The following EXT1 variants were observed in gnomAD, a reference collection of about 807,000 sequenced individuals.
EXT1 encodes the protein exostosin-1.
In EXT1, 20 loss-of-function variants were observed where a neutral mutation model predicts 82.5. The ratio of observed to expected loss-of-function variants is 0.24; its 90% CI spans 0.17 to 0.35. The LOEUF (loss-of-function observed/expected upper bound fraction) is 0.35, where lower values mean the gene tolerates loss of function less well. Ranked by LOEUF, EXT1 falls within the 10% of genes least tolerant of loss-of-function variation. The pLI, the probability that EXT1 is intolerant of heterozygous loss-of-function variation, is 1.00. For synonymous variants in EXT1, 348 were observed against 350.8 expected (o/e 0.99, Z 0.09); for missense variants, 757 against 936.5 (o/e 0.81, Z 2.50).
intron 1 of EXT1, among the ~76,000 whole-genome samples, chr8:118,016,700 C>G (rs1816010530): frequency 6.6e-6 from 1 of 152,238 alleles, no homozygotes; most frequent in Non-Finnish European, 1.5e-5. Flanking sequence ...TAACCCCAGT[C>G]TCTAGCAGAA....
intron 1 of EXT1, among the ~76,000 whole-genome samples, chr8:117,928,871 C>A (rs1227584650): frequency 6.6e-6 from 1 of 151,960 alleles, no homozygotes; most frequent in Non-Finnish European, 1.5e-5. Flanking sequence ...ACTTACGACA[C>A]CGATGAAAAA....
intron 1 of EXT1, among the ~76,000 whole-genome samples, chr8:117,932,627 CA>C (rs1183606619): frequency 6.6e-6 from 1 of 152,094 alleles, no homozygotes; most frequent in Admixed American, 6.6e-5. Flanking sequence ...TTTTTCTATT[CA>C]AATACTGCAA....
chr8:117,926,022 G>C (rs935022720), intron 1 of EXT1, among the ~76,000 whole-genome samples: 2 of 152,070 alleles, frequency 1.3e-5, no homozygotes, highest in African/African-American at 2.4e-5. Flanking sequence ...AGACCCAAAG[G>C]GTTAAGCAAT....
intron 1 of EXT1, among the ~76,000 whole-genome samples, chr8:118,040,267 A>G (rs1453603225): frequency 6.6e-6 from 1 of 152,206 alleles, no homozygotes; most frequent in Non-Finnish European, 1.5e-5. Flanking sequence ...TTTGTTTCTC[A>G]GAAATGGGAA....
At chr8:117,841,247 A>G (rs979606613) in intron 1 of EXT1, among the ~76,000 whole-genome samples, 12 of 152,234 alleles carry the variant, frequency 7.9e-5, no homozygotes, top group African/African-American at 2.9e-4. Context: ...AAAGTGGGAC[A>G]AACTATTGAT....
In EXT1 at chr8:118,097,358, A is replaced by C. The variant is rs573159500; in HGVS notation, c.962+12727T>G. On this transcript the variant is annotated intron_variant, in intron 1 of 10. Transcript: ENST00000378204. ...GCTACTCGGGAGGCTGAGGCAGGAG[A>C]ATTGCTTGAACCTGGGAGGTAGGGG... Among the ~76,000 whole-genome samples the C allele has an allele frequency of 8.1e-4, 124 of 152,260 alleles. 1 individual carries two copies. Among genetic ancestry groups the C allele is most frequent in the African/African-American group, 2.9e-3 (122 of 41,536 alleles).
At chr8:117,956,959 G>A (rs1941488118) in intron 1 of EXT1, among the ~76,000 whole-genome samples, 1 of 152,166 alleles carries the variant, frequency 6.6e-6, no homozygotes, top group African/African-American at 2.4e-5. Flanking sequence ...TCAATCCCGT[G>A]ACCATGAAGT....
chr8:118,105,974 AC>A (rs1365113064), intron 1 of EXT1, among the ~76,000 whole-genome samples: 2 of 152,086 alleles, frequency 1.3e-5, no homozygotes, highest in African/African-American at 4.8e-5. Flanking sequence ...TATTCCCTAA[AC>A]CCCTTAGGGC....
chr8:117,873,744 C>T (rs887633864), intron 1 of EXT1, among the ~76,000 whole-genome samples: 3 of 152,136 alleles, frequency 2.0e-5, no homozygotes, highest in African/African-American at 7.2e-5. Flanking sequence ...GCATGAGCCA[C>T]CGCGCCCAGT....
chr8:118,062,094 A>G lies in EXT1; in HGVS notation c.962+47991T>C, dbSNP rs569089863. On this transcript the variant is annotated intron_variant, in intron 1 of 10. Transcript: ENST00000378204. ...AGACACCAACTGTCAGGTGACATTC[A>G]CTCATTTCTAAAAATTAACTGAAGA... Among the ~76,000 whole-genome samples, 102 of 152,068 alleles carry G rather than the reference A, an allele frequency of 6.7e-4. 1 individual carries two copies. Among genetic ancestry groups the G allele is most frequent in the Non-Finnish European group, 1.0e-3 (69 of 67,994 alleles).
At chr8:118,097,835 G>A (rs1304175886) in intron 1 of EXT1, among the ~76,000 whole-genome samples, 1 of 152,196 alleles carries the variant, frequency 6.6e-6, no homozygotes, top group Non-Finnish European at 1.5e-5. Flanking sequence ...CTACTGGAGA[G>A]AGACAAACAA....
intron 3 of EXT1, 34 bp from the exon 4 acceptor site, chr8:117,830,383 CTG>C (rs1563573783): frequency 6.2e-7 from 1 of 1,610,324 alleles, no homozygotes; most frequent in Admixed American, 1.7e-5. Flanking sequence ...GGAATTATAA[CTG>C]TAAAACAAAG....
chr8:117,973,886 G>A (rs76916470), intron 1 of EXT1, among the ~76,000 whole-genome samples: 20,695 of 66,832 alleles, frequency 0.31, 4,778 homozygotes, highest in Middle Eastern at 0.44. Flanking sequence ...GAAAGGAAAG[G>A]AAGGAAAGGA....
chr8:117,912,377 C>A (rs1563598930), intron 1 of EXT1, among the ~76,000 whole-genome samples: 1 of 152,292 alleles, frequency 6.6e-6, no homozygotes, highest in East Asian at 1.9e-4. Flanking sequence ...TTTACTTTAT[C>A]CCTTTTCTTA....
At chr8:117,928,912 T>C (rs971233020) in intron 1 of EXT1, among the ~76,000 whole-genome samples, 21 of 152,152 alleles carry the variant, frequency 1.4e-4, no homozygotes, top group African/African-American at 5.1e-4. Flanking sequence ...CCTTGAGTTC[T>C]GTGCCCACTA....
chr8:117,884,684 G>A (rs1019995802), intron 1 of EXT1, among the ~76,000 whole-genome samples: 1 of 151,914 alleles, frequency 6.6e-6, no homozygotes, highest in African/African-American at 2.4e-5. Flanking sequence ...GCACTGAAAT[G>A]AAACTGTGTG....
intron 1 of EXT1, among the ~76,000 whole-genome samples, chr8:117,910,993 T>TGA (rs1563598564): frequency 6.6e-6 from 1 of 152,130 alleles, no homozygotes; most frequent in East Asian, 1.9e-4. Context: ...GTGAAGGGCG[T>TGA]GAACTCTAGA....
In EXT1 at chr8:118,078,636, A is replaced by G. The variant is rs542807026; in HGVS notation, c.962+31449T>C. ...ATAAATACATACGTCATCTTTCCAC[A>G]AATGAAGGGTAATTAAACAAGGGTA... On this transcript the variant is annotated intron_variant, in intron 1 of 10. Transcript: ENST00000378204. 5.9e-5 allele frequency among the ~76,000 whole-genome samples: 9 copies of G among 152,268 alleles called. No homozygotes were observed. The South Asian group carries it at 1.9e-3, about 32-fold the overall frequency.
chr8:117,818,479 G>C lies in EXT1; in HGVS notation c.1588C>G (p.Pro530Ala). ...ACGACGACAGGCACAGCAGTGGCAG[G>C]CCAGCGGTGTTTGGCTGGTAGGGGC... Reference protein sequence around the residue: ...DKPLPAKHRWPATAVPVVVIE... With the variant: ...DKPLPAKHRWAATAVPVVVIE... The change falls in exon 7 of 11, where the codon CCT becomes GCT. Residue 530 changes from proline to alanine, a missense_variant. Around this residue, in one of 4 missense-constraint regions of EXT1, gnomAD observed 207 missense variants for 224.2 expected, o/e 0.92. Coordinates refer to ENST00000378204, the MANE Select transcript of EXT1 (RefSeq NM_000127.3). The C allele has an allele frequency of 6.2e-7, 1 of 1,614,106 alleles. No individual in the cohort carries two copies. Among genetic ancestry groups the C allele is most frequent in the Non-Finnish European group, 8.5e-7 (1 of 1,180,012 alleles).
Sources: gnomAD v4.1 joint callset for allele counts (sites outside exome capture counted in the v4.1 genomes callset) on GRCh38, gnomAD v4.1.1 for gene constraint, gnomAD v4.1.1 regional missense constraint, MANE v1.5 for transcripts, NCBI Gene and HGNC (gene_info 2026-07-23, HGNC 2026-07-21) for gene names.